Variants in BPTF observed in about 807,000 individuals in gnomAD.
BPTF encodes nucleosome-remodeling factor subunit BPTF.
BPTF carries 18 observed loss-of-function variants against 292.5 expected under a neutral mutation model. That is an observed-to-expected ratio of 0.06 (90% CI 0.04 to 0.09). The LOEUF is 0.09. Ranked by LOEUF, BPTF falls within the 10% of genes least tolerant of loss-of-function variation. The probability of loss-of-function intolerance (pLI) is 1.00; values close to 1 mark genes in which losing one functional copy is unlikely to be tolerated. For synonymous variants in BPTF, 1,225 were observed against 1,251.9 expected, an observed-to-expected ratio of 0.98 and a Z score of 0.45; for missense variants, 2,726 against 3,498.7, an observed-to-expected ratio of 0.78 and a Z score of 5.57.
chr17:67,976,737 CTGAGCTGATGAT>C (rs1555694200), intron 27 of BPTF, among the ~76,000 whole-genome samples: 1 of 122,556 alleles, frequency 8.2e-6, no homozygotes, highest in Non-Finnish European at 1.8e-5. Flanking sequence ...GAAGAATTTC[CTGAGCTGATGAT>C]TGTCACAGGA....
intron 1 of BPTF, among the ~76,000 whole-genome samples, chr17:67,828,166 G>A (rs79658927): frequency 6.6e-6 from 1 of 151,958 alleles, no homozygotes; most frequent in Non-Finnish European, 1.5e-5. Flanking sequence ...TCTTGACCTC[G>A]TGATCCGCCT....
At position 67,854,383 on chromosome 17, in the gene BPTF, C is replaced by G; in HGVS notation, c.1057C>G (p.Pro353Ala). The G allele has an allele frequency of 6.2e-7, 1 of 1,614,124 alleles. No homozygotes were observed. The change falls in exon 2 of 28, where the codon CCA becomes GCA. Residue 353 changes from proline to alanine, a missense_variant. Physicochemically the swap from Pro to Ala is conservative, Grantham distance 27. This residue lies in a region of BPTF where 102 missense variants were observed against 212.6 expected (regional missense o/e 0.48). Coordinates refer to ENST00000306378, the MANE Select transcript of BPTF (RefSeq NM_182641.4). The surrounding 1 kb of genome is among the most constrained non-coding windows in gnomAD (Gnocchi z 5.6). ...VLPYQEAEDY[P>A]YGPVENKIKV... The stretch of plus-strand genomic sequence containing the variant: ...TCCTTACCAAGAGGCAGAGGACTAC[C>G]CATATGGACCAGTAGAGAACAAGAT...
chr17:67,942,499 C>G (rs1245118433), intron 19 of BPTF, among the ~76,000 whole-genome samples: 2 of 152,082 alleles, frequency 1.3e-5, no homozygotes, highest in African/African-American at 2.4e-5. Context: ...AGACATAGAG[C>G]AGAAAGAATT....
intron 1 of BPTF, among the ~76,000 whole-genome samples, chr17:67,831,811 T>C (rs1163563401): frequency 6.6e-6 from 1 of 152,206 alleles, no homozygotes; most frequent in African/African-American, 2.4e-5. Context: ...GTTTTGCACC[T>C]TGGTCTTCCT....
chr17:67,868,610 T>C (rs953767918), intron 3 of BPTF, among the ~76,000 whole-genome samples: 2 of 152,228 alleles, frequency 1.3e-5, no homozygotes, highest in African/African-American at 4.8e-5. Context: ...GATAAAATTA[T>C]TAGGTAAGAT....
chr17:67,918,871 G>A (rs755903541), intron 12 of BPTF, 33 bp downstream of exon 12: 5 of 1,605,782 alleles, frequency 3.1e-6, no homozygotes, highest in Non-Finnish European at 3.4e-6. Flanking sequence ...TCTAATTTAA[G>A]TTTAAAAGCT....
intron 25 of BPTF, chr17:67,966,369 T>C (rs547114004): frequency 2.0e-6 from 1 of 499,584 alleles, no homozygotes; most frequent in African/African-American, 2.0e-5. Flanking sequence ...CACAAAGTCT[T>C]CTGACCAGCC....
At chr17:67,950,683 C>CAAAA (rs1278047535) in intron 23 of BPTF, among the ~76,000 whole-genome samples, 1 of 151,290 alleles carries the variant, frequency 6.6e-6, no homozygotes, top group Admixed American at 6.6e-5. Flanking sequence ...ACTAAAAATA[C>CAAAA]AAAAAAATTA....
chr17:67,833,575 C>CT lies in BPTF; in HGVS notation c.613+7252dup, dbSNP rs879467989. Among the ~76,000 whole-genome samples, 637 of 142,598 alleles carry CT rather than the reference C, an allele frequency of 4.5e-3. 5 individuals carry two copies. Among genetic ancestry groups the CT allele is most frequent in the African/African-American group, 8.7e-3 (339 of 39,108 alleles). The allele number at this position is 142,598 out of a possible 152,430, so 93.5% of individuals were successfully genotyped here. On this transcript the variant is annotated intron_variant, in intron 1 of 27. Coordinates refer to ENST00000306378, the MANE Select transcript of BPTF (RefSeq NM_182641.4). ...TTGCAAATTCAGTTTTAATTTCTTTCTTTTTTTTTTTTTTGAGACAGAGTC... is the reference window on the plus strand; with the variant it reads ...TTGCAAATTCAGTTTTAATTTCTTTCTTTTTTTTTTTTTTTGAGACAGAGTC...
intron 4 of BPTF, among the ~76,000 whole-genome samples, chr17:67,885,046 C>T (rs1598424349): frequency 6.6e-6 from 1 of 152,108 alleles, no homozygotes; most frequent in East Asian, 1.9e-4. Flanking sequence ...CATATTTTAT[C>T]AGGTTGTCAG....
intron 4 of BPTF, among the ~76,000 whole-genome samples, chr17:67,885,744 T>G (rs1002025511): frequency 1.3e-5 from 2 of 152,230 alleles, no homozygotes; most frequent in African/African-American, 4.8e-5. Context: ...CTTCAGATTT[T>G]GAATACTATC....
intron 1 of BPTF, among the ~76,000 whole-genome samples, chr17:67,849,609 T>A (rs1172640900): frequency 1.3e-5 from 2 of 152,058 alleles, no homozygotes; most frequent in Non-Finnish European, 2.9e-5. Context: ...CAGAGTATGG[T>A]TCGCCAGAAC....
intron 4 of BPTF, among the ~76,000 whole-genome samples, chr17:67,884,376 A>G (rs1181172480): frequency 1.3e-5 from 2 of 150,998 alleles, no homozygotes; most frequent in Non-Finnish European, 2.9e-5. Flanking sequence ...TCAGCCTTCC[A>G]AAGTGTTGGG....
intron 15 of BPTF, among the ~76,000 whole-genome samples, chr17:67,925,437 G>C (rs1684582916): frequency 6.6e-6 from 1 of 152,166 alleles, no homozygotes; most frequent in African/African-American, 2.4e-5. Flanking sequence ...TCCAAGGCAG[G>C]AGGATCCCTT....
At chr17:67,976,050 TA>T in intron 27 of BPTF, 92 bp downstream of exon 27, 1 of 980,042 alleles carries the variant, frequency 1.0e-6, no homozygotes, top group Non-Finnish European at 1.4e-6. Flanking sequence ...CAGTTTATGG[TA>T]AATTTAACCT....
At chr17:67,966,530 A>C (rs782132467) in intron 25 of BPTF, 42 bp from the exon 26 acceptor site, 1 of 1,557,474 alleles carries the variant, frequency 6.4e-7, no homozygotes, top group African/African-American at 1.4e-5. Flanking sequence ...AAATGGAATT[A>C]GTGTTTTCAC....
chr17:67,838,669 G>A (rs778708037), intron 1 of BPTF, among the ~76,000 whole-genome samples: 3 of 152,092 alleles, frequency 2.0e-5, no homozygotes, highest in Non-Finnish European at 4.4e-5. Context: ...TAGTAGAGAC[G>A]AGGTTTCACC....
chr17:67,964,122 A>G (rs2067779715), intron 24 of BPTF, 90 bp from the exon 25 acceptor site: 6 of 1,328,538 alleles, frequency 4.5e-6, no homozygotes, highest in Non-Finnish European at 6.3e-6. Context: ...TTTATATCCC[A>G]GGGTTTAGCA....
rs56335701 is a variant in BPTF, at chr17:67,843,754, CTTTTTTTTTTTT to C, written c.614-10169_614-10158del. On this transcript the variant is annotated intron_variant, in intron 1 of 27. Transcript: ENST00000306378. The stretch of plus-strand genomic sequence containing the variant: ...TTTTTAAATTGTCTGGAGCAGTTGT[CTTTTTTTTTTTT>C]TTTTTTTTTTTTTTTTGAGATGGAG... 1.3e-3 allele frequency among the ~76,000 whole-genome samples: 80 copies of C among 62,228 alleles called. 1 individual carries two copies. Among genetic ancestry groups the C allele is most frequent in the African/African-American group, 5.9e-3 (70 of 11,928 alleles). 40.8% of individuals were successfully genotyped at this position (62,228 alleles called of 152,430 possible). A position where few individuals can be genotyped will look rare whatever the true frequency, so the allele number is the denominator to read the frequency against.
Sources: allele counts gnomAD v4.1 joint callset (sites outside exome capture counted in the v4.1 genomes callset), GRCh38; gene constraint gnomAD v4.1.1; regional missense constraint gnomAD v4.1.1; non-coding constraint Gnocchi (gnomAD v3.1); transcripts MANE v1.5; gene names NCBI Gene and HGNC (gene_info 2026-07-23, HGNC 2026-07-21).